MDN1: variants seen among roughly 807,000 people sequenced by gnomAD.
MDN1 encodes midasin.
MDN1 carries 266 observed loss-of-function variants against 669.2 expected under a neutral mutation model. The ratio of observed to expected loss-of-function variants is 0.40; its 90% CI spans 0.36 to 0.44. MDN1 has a LOEUF of 0.44. Ranked by LOEUF, MDN1 falls within the 20% of genes least tolerant of loss-of-function variation. MDN1 has a pLI of 1.00. For synonymous variants in MDN1, 2,385 were observed against 2,457.1 expected (o/e 0.97, Z 0.87); for missense variants, 5,940 against 6,754.0 (o/e 0.88, Z 4.22).
intron 11 of MDN1, among the ~76,000 whole-genome samples, chr6:89,778,238 C>T (rs1818450950): frequency 6.7e-6 from 1 of 150,154 alleles, no homozygotes; most frequent in South Asian, 2.1e-4. Flanking sequence ...GCCCCCAATA[C>T]TGCAAATTGC....
At chr6:89,781,328 G>A (rs1451918418) in intron 10 of MDN1, 71 bp downstream of exon 10, 1 of 1,487,616 alleles carries the variant, frequency 6.7e-7, no homozygotes, top group East Asian at 2.3e-5. Flanking sequence ...TCCAGCCTGG[G>A]TAACAGAGCA....
At position 89,745,524 on chromosome 6, in the gene MDN1, A is replaced by G. The variant is rs766966421; in HGVS notation, c.4007T>C (p.Leu1336Pro). The G allele has an allele frequency of 8.7e-6, 14 of 1,614,014 alleles. No individual in the cohort carries two copies. The South Asian group carries it at 1.5e-4, about 18-fold the overall frequency. ...HFKKKLCPQS[L>P]FSKENVLKLL... ...TTTTAGAACATTTTCTTTGGAGAAA[A>G]GAGATTGAGGACACAATTTTTTCTT... The change falls in exon 28 of 102, where the codon CTT becomes CCT. Residue 1336 changes from leucine to proline, a missense_variant. Leu to Pro is a moderately conservative substitution (Grantham distance 98, BLOSUM62 -3). Around this residue, in one of 5 missense-constraint regions of MDN1, gnomAD observed 2,292 missense variants for 2,638.3 expected, o/e 0.87. Transcript: ENST00000369393.
chr6:89,678,599 C>A lies in MDN1; in HGVS notation c.12412G>T (p.Gly4138Cys). ...SDLFKHLAKI[G>C]LSYRKGLAWA... is the part of the protein sequence containing the mutation. The stretch of plus-strand genomic sequence containing the variant: ...ATTGGGTTTCAAGTGAGAACCTTAC[C>A]AATTTTTGCAAGGTGTTTAAAGAGG... The change falls in exon 75 of 102, where the codon GGT becomes TGT. Residue 4138 changes from glycine (G) to cysteine (C), a missense_variant and splice_region_variant. By Grantham distance (159) the Gly-to-Cys change is radical. This residue lies in a region of MDN1 where 2,280 missense variants were observed against 2,576.3 expected (regional missense o/e 0.88). Coordinates refer to ENST00000369393, the MANE Select transcript of MDN1 (RefSeq NM_014611.3). 1 of 1,613,274 alleles carries A rather than the reference C, an allele frequency of 6.2e-7. No individual in the cohort carries two copies. Among genetic ancestry groups the A allele is most frequent in the Non-Finnish European group, 8.5e-7 (1 of 1,179,674 alleles).
intron 49 of MDN1, among the ~76,000 whole-genome samples, chr6:89,711,013 T>A (rs55715008): frequency 0.028 from 4,198 of 152,326 alleles, 86 homozygotes; most frequent in Non-Finnish European, 0.041. Flanking sequence ...CTAGTGGCTA[T>A]CATATAGGAC....
chr6:89,749,808 G>A, intron 24 of MDN1, 57 bp from the exon 25 acceptor site: 4 of 1,321,926 alleles, frequency 3.0e-6, no homozygotes, highest in South Asian at 2.4e-5. Flanking sequence ...GTTTTAAAAT[G>A]CATTATGTAC....
At position 89,781,600 on chromosome 6, in the gene MDN1, A is replaced by AG. The variant is rs747466866; in HGVS notation, c.1450-9dup. On this transcript the variant is annotated splice_polypyrimidine_tract_variant and intron_variant, in intron 9 of 101. Transcript: ENST00000369393. Reference sequence around the variant, plus strand: ...ATATCTGCTCTGAAGAACCTGACAGAGGGGGAAAAAAAAGAAAATTTAACA... The same window carrying AG: ...ATATCTGCTCTGAAGAACCTGACAGAGGGGGGAAAAAAAAGAAAATTTAACA... The AG allele has an allele frequency of 8.4e-6, 13 of 1,549,660 alleles. No individual in the cohort carries two copies. The Admixed American group carries it at 1.1e-4, about 13-fold the overall frequency.
rs576956227 is a variant in MDN1, at chr6:89,692,147, A to G, written c.10587+296T>C. On this transcript the variant is annotated intron_variant, in intron 63 of 101. Coordinates refer to ENST00000369393, the MANE Select transcript of MDN1 (RefSeq NM_014611.3). ...AGGGAACATCTTAATGCAAGTTGAC[A>G]TAAGTACCTGGCAAAATTACCAAAA... Among the ~76,000 whole-genome samples, 6 of 152,332 alleles carry G rather than the reference A, an allele frequency of 3.9e-5. No homozygotes were observed. The South Asian group carries it at 1.2e-3, about 32-fold the overall frequency.
chr6:89,794,916 A>G (rs1217808226), intron 2 of MDN1, 115 bp from the exon 3 acceptor site: 3 of 827,900 alleles, frequency 3.6e-6, no homozygotes, highest in Non-Finnish European at 5.7e-6. Context: ...AGCTATTTTC[A>G]AAAAGGAGTA....
Position 89,749,688 on chromosome 6 carries a change from G to T in MDN1, c.3470C>A (p.Pro1157His). The T allele has an allele frequency of 6.2e-7, 1 of 1,614,002 alleles. No individual in the cohort carries two copies. Residue 1157 changes from proline (P) to histidine (H), a missense_variant, in exon 25 of 102, where the codon CCT (proline) becomes CAT (histidine). Physicochemically the swap from Pro to His is moderately conservative, Grantham distance 77. Coordinates refer to ENST00000369393, the MANE Select transcript of MDN1 (RefSeq NM_014611.3). Reference protein sequence around the residue: ...WIILDELNLAPTDVLEALNRL... With the variant: ...WIILDELNLAHTDVLEALNRL... ...ATTCAGCGCCTCTAACACATCAGTA[G>T]GGGCCAAATTTAATTCATCTAAAAT... is the stretch of plus-strand genomic sequence containing the variant.
chr6:89,772,171 CTGAGGTAGGAAGATCACT>C (rs1818115738), intron 14 of MDN1, among the ~76,000 whole-genome samples: 1 of 152,020 alleles, frequency 6.6e-6, no homozygotes, highest in Non-Finnish European at 1.5e-5. Context: ...TACCTCAGAT[CTGAGGTAGGAAGATCACT>C]TGAGCCTGGG....
intron 9 of MDN1, among the ~76,000 whole-genome samples, chr6:89,784,270 C>A (rs1400166806): frequency 1.3e-5 from 2 of 152,002 alleles, no homozygotes; most frequent in African/African-American, 4.8e-5. Context: ...GAGCCAAGAT[C>A]ACGCCATTGC....
chr6:89,658,108 C>T (rs192318689), intron 90 of MDN1, 101 bp downstream of exon 90: 4 of 1,417,168 alleles, frequency 2.8e-6, no homozygotes, highest in Admixed American at 2.0e-5. Context: ...AACAAAATAA[C>T]CAAACATAAA....
At chr6:89,748,098 G>A (rs1245511123) in intron 26 of MDN1, among the ~76,000 whole-genome samples, 26 of 151,750 alleles carry the variant, frequency 1.7e-4, no homozygotes, top group African/African-American at 5.3e-4. Flanking sequence ...AGGCCAAGGC[G>A]GGCGGATCAC....
intron 15 of MDN1, 58 bp downstream of exon 15, chr6:89,771,503 A>T (rs1818074463): frequency 2.8e-6 from 4 of 1,410,650 alleles, no homozygotes; most frequent in Non-Finnish European, 4.0e-6. Context: ...AGAAAACAGT[A>T]TTTCTTACCT....
intron 40 of MDN1, among the ~76,000 whole-genome samples, chr6:89,720,952 C>T (rs960499429): frequency 8.6e-5 from 13 of 152,026 alleles, no homozygotes; most frequent in African/African-American, 1.2e-4. Flanking sequence ...CTGGACAACA[C>T]GGCAAGACCA....
At chr6:89,687,542 C>A in intron 67 of MDN1, 104 bp from the exon 68 acceptor site, 1 of 864,740 alleles carries the variant, frequency 1.2e-6, no homozygotes, top group Non-Finnish European at 1.8e-6. Context: ...ACTACTGGGC[C>A]CTTAAACAAC....
At chr6:89,744,505 C>T (rs912629605) in intron 29 of MDN1, among the ~76,000 whole-genome samples, 2 of 152,016 alleles carry the variant, frequency 1.3e-5, no homozygotes, top group Non-Finnish European at 2.9e-5. Context: ...CAGGCTCAAG[C>T]GATTCTTCTG....
At chr6:89,712,839 C>T in intron 47 of MDN1, 53 bp from the exon 48 acceptor site, 1 of 1,533,718 alleles carries the variant, frequency 6.5e-7, no homozygotes, top group Non-Finnish European at 9.0e-7. Context: ...AGTGATATTC[C>T]CCAAAAACCA....
At chr6:89,687,855 C>T (rs11756026) in intron 67 of MDN1, among the ~76,000 whole-genome samples, 262 of 152,240 alleles carry the variant, frequency 1.7e-3, no homozygotes, top group Admixed American at 4.3e-3. Flanking sequence ...CCCTCATTAC[C>T]GGTAGATACT....
Sources: gnomAD v4.1 joint callset for allele counts (sites outside exome capture counted in the v4.1 genomes callset) on GRCh38, gnomAD v4.1.1 for gene constraint, gnomAD v4.1.1 regional missense constraint, MANE v1.5 for transcripts, NCBI Gene and HGNC (gene_info 2026-07-23, HGNC 2026-07-21) for gene names.